Variants in SLC2A2 observed in about 807,000 individuals in gnomAD.
SLC2A2 encodes solute carrier family 2 member 2.
A neutral mutation model predicts 54.5 loss-of-function variants in SLC2A2; 36 were observed. The ratio of observed to expected loss-of-function variants is 0.66; its 90% CI spans 0.51 to 0.87. The LOEUF (loss-of-function observed/expected upper bound fraction) is 0.87. Among genes scored for constraint, SLC2A2 ranks in the 40% least tolerant of loss-of-function variants. The pLI is 0.00. For synonymous variants in SLC2A2, 223 were observed against 219.1 expected (o/e 1.02, Z -0.16); for missense variants, 543 against 624.3 (o/e 0.87, Z 1.39).
At chr3:171,015,928 A>G (rs967328861) in intron 2 of SLC2A2, among the ~76,000 whole-genome samples, 10 of 152,188 alleles carry the variant, frequency 6.6e-5, no homozygotes, top group African/African-American at 1.9e-4. Flanking sequence ...ATTATAGGAC[A>G]TGGGAGGAAG....
chr3:171,003,514 C>T (rs993285165), intron 7 of SLC2A2, among the ~76,000 whole-genome samples: 2 of 151,566 alleles, frequency 1.3e-5, no homozygotes, highest in African/African-American at 4.9e-5. Flanking sequence ...TTGCCTTTTG[C>T]CTTCACCTTA....
At chr3:171,024,449 G>A (rs973966652) in intron 1 of SLC2A2, among the ~76,000 whole-genome samples, 1 of 152,156 alleles carries the variant, frequency 6.6e-6, no homozygotes, top group Non-Finnish European at 1.5e-5. Context: ...AGAGCTGATG[G>A]TCTTAAACGC....
chr3:171,016,602 T>G (rs993816508), intron 2 of SLC2A2, among the ~76,000 whole-genome samples: 2 of 152,150 alleles, frequency 1.3e-5, no homozygotes, highest in African/African-American at 2.4e-5. Flanking sequence ...AGTGTGATTT[T>G]AAAATCCTTC....
rs1715229011 is a variant in SLC2A2 at position 170,999,125 on chromosome 3, TAGAA to T, written c.1106_1109del (p.Phe369Ter). On this transcript the variant is annotated frameshift_variant, in exon 9 of 11. Transcript: ENST00000314251. LOFTEE classifies it high-confidence loss of function. ...AAACAAACATCCCACTCATTCCAAT[TAGAA>T]AGAGAGAACGTCGCCCTGCCTTCTC... 3 of 1,612,818 alleles carry T rather than the reference TAGAA, an allele frequency of 1.9e-6. No individual in the cohort carries two copies. The highest frequency in any genetic ancestry group is 2.5e-6 in the Non-Finnish European group (3 of 1,179,104).
At chr3:171,002,867 A>C (rs907268822) in intron 7 of SLC2A2, among the ~76,000 whole-genome samples, 187 bp from the exon 8 acceptor site, 1 of 151,988 alleles carries the variant, frequency 6.6e-6, no homozygotes, top group African/African-American at 2.4e-5. Flanking sequence ...AAAGCTTCTG[A>C]TTGCTTAAAC....
intron 1 of SLC2A2, among the ~76,000 whole-genome samples, chr3:171,019,321 T>C (rs1355520510): frequency 6.6e-6 from 1 of 151,776 alleles, no homozygotes; most frequent in Non-Finnish European, 1.5e-5. Context: ...AAAATACTCA[T>C]ATAAGAGGCA....
At position 170,998,063 on chromosome 3, in the gene SLC2A2, A is replaced by G; in HGVS notation, c.1415T>C (p.Val472Ala). ...TGTGAACAGGGTAAAGGCCAGGAGCACTCCAGCAAAGAGGAAAAACACATA... is the reference window on the plus strand; with the variant it reads ...TGTGAACAGGGTAAAGGCCAGGAGCGCTCCAGCAAAGAGGAAAAACACATA... ...GPYVFFLFAG[V>A]LLAFTLFTFF... Residue 472 changes from valine to alanine, a missense_variant, in exon 11 of 11, where the codon GTG becomes GCG. Around this residue, in one of 3 missense-constraint regions of SLC2A2, gnomAD observed 108 missense variants for 101.3 expected, o/e 1.07. Transcript: ENST00000314251. 1 of 1,613,674 alleles carries G rather than the reference A, an allele frequency of 6.2e-7. No homozygotes were observed. The highest frequency in any genetic ancestry group is 2.2e-5 in the East Asian group (1 of 44,846).
In SLC2A2 at chr3:171,007,843, T is replaced by C. The variant is rs1715683296; in HGVS notation, c.497-580A>G. Among the ~76,000 whole-genome samples, 4 of 152,070 alleles carry C rather than the reference T, an allele frequency of 2.6e-5. No homozygotes were observed. The South Asian group carries it at 8.3e-4, about 32-fold the overall frequency. On this transcript the variant is annotated intron_variant, in intron 4 of 10. Transcript: ENST00000314251. ...AAGAGGTTAAGGATCTTAAGGACTC[T>C]TCCCCAGTTAGAAACCAGGGAAACC... is the stretch of plus-strand genomic sequence containing the variant.
chr3:171,005,967 C>G lies in SLC2A2; in HGVS notation c.751G>C (p.Asp251His), dbSNP rs745373269. ...ESPRYLYIKL[D>H]EEVKAKQSLK... is the part of the protein sequence containing the mutation. Reference sequence around the variant, plus strand: ...CTTTGTTTTGCTTTGACTTCCTCATCTAACTTGATGTAAAGGTATCTGGGG... The same window carrying G: ...CTTTGTTTTGCTTTGACTTCCTCATGTAACTTGATGTAAAGGTATCTGGGG... Residue 251 changes from aspartate (D) to histidine (H), a missense_variant, in exon 6 of 11, where the codon GAT (aspartate) becomes CAT (histidine). Physicochemically the swap from Asp to His is moderately conservative, Grantham distance 81. Around this residue, in one of 3 missense-constraint regions of SLC2A2, gnomAD observed 318 missense variants for 343.8 expected, o/e 0.93. Transcript: ENST00000314251. 25 of 1,612,346 alleles carry G rather than the reference C, an allele frequency of 1.6e-5. No homozygotes were observed. Among genetic ancestry groups the G allele is most frequent in the Non-Finnish European group, 2.1e-5 (25 of 1,178,946 alleles).
Position 171,005,411 on chromosome 3 carries a change from T to G in SLC2A2, c.837A>C (p.Glu279Asp). The G allele has an allele frequency of 6.2e-7, 1 of 1,612,814 alleles. No homozygotes were observed. The highest frequency in any genetic ancestry group is 8.5e-7 in the Non-Finnish European group (1 of 1,179,184). ...VTKDINEMRK[E>D]REEASSEQKV... ...TCTGCTCACTCGATGCTTCTTCTCT[T>G]TCTTTTCTCATTTCATTAATATCTT... The change falls in exon 7 of 11, where the codon GAA (glutamate) becomes GAC (aspartate). Residue 279 changes from glutamate to aspartate, a missense_variant. Coordinates refer to ENST00000314251, the MANE Select transcript of SLC2A2 (RefSeq NM_000340.2).
chr3:171,010,134 A>G (rs1393428016), intron 3 of SLC2A2, 52 bp from the exon 4 acceptor site: 2 of 1,578,884 alleles, frequency 1.3e-6, no homozygotes, highest in Non-Finnish European at 1.7e-6. Context: ...ACTTGCTAAA[A>G]TTATTCGCTT....
In SLC2A2 at chr3:171,014,627, T is replaced by C; in HGVS notation, c.213A>G (p.Ser71=). Reference sequence around the variant, plus strand: ...GGGTTGGTTTTGGGTTCATTGAGTATGAGATTGTGGGCAGTTCATCTGTAC... The same window carrying C: ...GGGTTGGTTTTGGGTTCATTGAGTACGAGATTGTGGGCAGTTCATCTGTAC... ...INSTDELPTI[S]YSMNPKPTPW... is the part of the protein sequence containing the mutation. The change falls in exon 3 of 11, where the codon TCA becomes TCG. Residue 71 remains serine, a synonymous_variant. Coordinates refer to ENST00000314251, the MANE Select transcript of SLC2A2 (RefSeq NM_000340.2). The C allele has an allele frequency of 3.1e-6, 5 of 1,612,450 alleles. No homozygotes were observed. The highest frequency in any genetic ancestry group is 4.5e-5 in the East Asian group (2 of 44,854).
At chr3:171,021,953 T>C (rs369830787) in intron 1 of SLC2A2, among the ~76,000 whole-genome samples, 41 of 152,350 alleles carry the variant, frequency 2.7e-4, no homozygotes, top group African/African-American at 9.1e-4. Flanking sequence ...TGAGAATTCA[T>C]AGGATTAGAT....
intron 8 of SLC2A2, 29 bp downstream of exon 8, chr3:171,002,547 C>A: frequency 2.1e-6 from 3 of 1,412,188 alleles, no homozygotes; most frequent in Non-Finnish European, 3.0e-6. Context: ...AAGGAACAAG[C>A]AGAGTATTTA....
At chr3:171,023,676 T>G (rs1464661023) in intron 1 of SLC2A2, among the ~76,000 whole-genome samples, 1 of 152,232 alleles carries the variant, frequency 6.6e-6, no homozygotes, top group Non-Finnish European at 1.5e-5. Flanking sequence ...AGGTTCTAGA[T>G]GGTTTGCCTG....
At chr3:171,000,733 A>G (rs1335444532) in intron 8 of SLC2A2, among the ~76,000 whole-genome samples, 1 of 152,080 alleles carries the variant, frequency 6.6e-6, no homozygotes, top group Non-Finnish European at 1.5e-5. Context: ...GAGTTGGGAA[A>G]GTCTCTCTTC....
At chr3:170,998,522 T>C (rs1279309159) in intron 9 of SLC2A2, 126 bp from the exon 10 acceptor site, 2 of 720,024 alleles carry the variant, frequency 2.8e-6, no homozygotes, top group Admixed American at 4.4e-5. Context: ...CAAGCAAGTA[T>C]AAGTTATTCT....
chr3:171,024,641 C>G (rs1309333502), intron 1 of SLC2A2, among the ~76,000 whole-genome samples: 2 of 152,142 alleles, frequency 1.3e-5, no homozygotes, highest in Admixed American at 6.5e-5. Context: ...TTGAAAGAGA[C>G]CTTAGAGAAC....
rs771182536 is a variant in SLC2A2, at chr3:171,007,173, A to G, written c.587T>C (p.Ile196Thr). ...CTGACTAATAAGAATGCCCGTGACG[A>G]TGGCCAGCTGATGAAAAGTGCCAAG... ...GALGTFHQLA[I>T]VTGILISQII... The change falls in exon 5 of 11, where the codon ATC becomes ACC. Residue 196 changes from isoleucine to threonine, a missense_variant. Ile to Thr is a moderately conservative substitution (Grantham distance 89). Around this residue, in one of 3 missense-constraint regions of SLC2A2, gnomAD observed 318 missense variants for 343.8 expected, o/e 0.93. Transcript: ENST00000314251. 1 of 1,611,892 alleles carries G rather than the reference A, an allele frequency of 6.2e-7. No individual in the cohort carries two copies. The highest frequency in any genetic ancestry group is 2.2e-5 in the East Asian group (1 of 44,824).
Sources: gnomAD v4.1 joint callset for allele counts (sites outside exome capture counted in the v4.1 genomes callset) on GRCh38, gnomAD v4.1.1 for gene constraint, gnomAD v4.1.1 regional missense constraint, MANE v1.5 for transcripts, NCBI Gene and HGNC (gene_info 2026-07-23, HGNC 2026-07-21) for gene names.